KCNK13: variants seen among roughly 807,000 people sequenced by gnomAD.
KCNK13 encodes the protein potassium channel subfamily K member 13.
KCNK13 carries 12 observed loss-of-function variants against 23.4 expected under a neutral mutation model. That is an observed-to-expected ratio of 0.51 (90% confidence interval 0.33 to 0.83). The LOEUF (loss-of-function observed/expected upper bound fraction) is 0.83, where lower values mean the gene tolerates loss of function less well. KCNK13 is among the 40% of genes least tolerant of loss of function. The pLI is 0.02. For missense variants in KCNK13, 463 were observed against 556.3 expected, an observed-to-expected ratio of 0.83 and a Z score of 1.69; for synonymous variants, 231 against 229.5, an observed-to-expected ratio of 1.01 and a Z score of -0.06.
chr14:90,174,200 C>T (rs991234182), intron 1 of KCNK13, among the ~76,000 whole-genome samples: 2 of 152,112 alleles, frequency 1.3e-5, no homozygotes, highest in Non-Finnish European at 2.9e-5. Flanking sequence ...GTCCCAGCTA[C>T]TCATGAGGCT....
chr14:90,103,192 G>A lies in KCNK13; in HGVS notation c.334+40653G>A, dbSNP rs538279566. The stretch of plus-strand genomic sequence containing the variant: ...TCTTAATCCAATCCACTGTTGATGG[G>A]CACCTAGGTTGATTCTATGTCTTTG... On this transcript the variant is annotated intron_variant, in intron 1 of 1. Transcript: ENST00000282146. Among the ~76,000 whole-genome samples the A allele has an allele frequency of 4.1e-4, 63 of 152,274 alleles. 1 individual carries two copies. The highest frequency in any genetic ancestry group is 1.5e-3 in the African/African-American group (61 of 41,548).
intron 1 of KCNK13, among the ~76,000 whole-genome samples, chr14:90,111,951 G>A (rs988077676): frequency 2.0e-5 from 3 of 152,096 alleles, no homozygotes; most frequent in Non-Finnish European, 4.4e-5. Context: ...ACTCCTCCCG[G>A]GGAGTCTAAG....
intron 1 of KCNK13, among the ~76,000 whole-genome samples, chr14:90,092,244 C>T (rs1889357591): frequency 6.6e-6 from 1 of 152,166 alleles, no homozygotes; most frequent in South Asian, 2.1e-4. Flanking sequence ...CTTAAAGACA[C>T]TTTTTGCAAA....
intron 1 of KCNK13, among the ~76,000 whole-genome samples, chr14:90,155,079 G>A (rs1490436689): frequency 3.9e-5 from 6 of 152,174 alleles, no homozygotes; most frequent in Admixed American, 3.9e-4. Context: ...TATCATACTG[G>A]TGATATGTGC....
chr14:90,097,098 C>T (rs896117581), intron 1 of KCNK13, among the ~76,000 whole-genome samples: 1 of 152,132 alleles, frequency 6.6e-6, no homozygotes, highest in Non-Finnish European at 1.5e-5. Context: ...TTTGTTCTAC[C>T]TCTTACCGTA....
chr14:90,146,029 T>TGA (rs1036684804), intron 1 of KCNK13, among the ~76,000 whole-genome samples: 8 of 151,786 alleles, frequency 5.3e-5, no homozygotes, highest in South Asian at 2.1e-4. Flanking sequence ...AATACGAAAG[T>TGA]GAGAGAGAGA....
intron 1 of KCNK13, among the ~76,000 whole-genome samples, chr14:90,134,020 CTG>C (rs1889906095): frequency 6.6e-6 from 1 of 152,208 alleles, no homozygotes; most frequent in African/African-American, 2.4e-5. Context: ...AACAATGTGG[CTG>C]AAACCCTGGG....
At chr14:90,132,483 G>T (rs1444163933) in intron 1 of KCNK13, among the ~76,000 whole-genome samples, 1 of 123,510 alleles carries the variant, frequency 8.1e-6, no homozygotes, top group Non-Finnish European at 1.8e-5. Context: ...GGCAGAGGTT[G>T]CAGTGAGCCA....
At chr14:90,086,542 T>C (rs1889277716) in intron 1 of KCNK13, among the ~76,000 whole-genome samples, 1 of 152,190 alleles carries the variant, frequency 6.6e-6, no homozygotes, top group African/African-American at 2.4e-5. Context: ...TTGTCATCAG[T>C]GGATGTTTTT....
intron 1 of KCNK13, among the ~76,000 whole-genome samples, chr14:90,114,697 C>A (rs2140414267): frequency 6.6e-6 from 1 of 152,264 alleles, no homozygotes; most frequent in Middle Eastern, 3.4e-3. Context: ...TTGTTCCATG[C>A]TTCTTTGTGT....
intron 1 of KCNK13, among the ~76,000 whole-genome samples, chr14:90,118,569 T>C (rs1374080969): frequency 1.3e-5 from 2 of 152,206 alleles, no homozygotes; most frequent in African/African-American, 4.8e-5. Flanking sequence ...TGGACATTCG[T>C]GTACATGTAT....
chr14:90,108,894 G>C (rs549480550), intron 1 of KCNK13, among the ~76,000 whole-genome samples: 19 of 152,234 alleles, frequency 1.2e-4, no homozygotes, highest in African/African-American at 4.3e-4. Flanking sequence ...AGAATCCCTT[G>C]GGCCAGGCGC....
At chr14:90,153,179 C>T (rs1031550361) in intron 1 of KCNK13, among the ~76,000 whole-genome samples, 18 of 152,300 alleles carry the variant, frequency 1.2e-4, no homozygotes, top group South Asian at 2.1e-4. Flanking sequence ...CCCTGACTCT[C>T]CTTCCCCTGG....
chr14:90,174,152 C>CA (rs1259989149), intron 1 of KCNK13, among the ~76,000 whole-genome samples: 3 of 151,484 alleles, frequency 2.0e-5, no homozygotes, highest in African/African-American at 4.8e-5. Flanking sequence ...TAAAAAAATA[C>CA]AAAAAAAATT....
At chr14:90,090,404 T>C (rs1232151434) in intron 1 of KCNK13, among the ~76,000 whole-genome samples, 1 of 152,178 alleles carries the variant, frequency 6.6e-6, no homozygotes, top group Admixed American at 6.5e-5. Flanking sequence ...CCATTTGGAG[T>C]GGGTATACCC....
chr14:90,162,994 A>G (rs1890266726), intron 1 of KCNK13, among the ~76,000 whole-genome samples: 2 of 152,246 alleles, frequency 1.3e-5, no homozygotes, highest in South Asian at 2.1e-4. Flanking sequence ...ACAGAAGAAG[A>G]AATACAAAAG....
At chr14:90,143,171 C>CTTTCTTTCTTCCTTTCT (rs1555352138) in intron 1 of KCNK13, among the ~76,000 whole-genome samples, 1 of 123,788 alleles carries the variant, frequency 8.1e-6, no homozygotes, top group Admixed American at 8.6e-5. Flanking sequence ...TTCTTTCTTT[C>CTTTCTTTCTTCCTTTCT]TTTCTTTTCT....
At chr14:90,081,922 G>T (rs149736710) in intron 1 of KCNK13, among the ~76,000 whole-genome samples, 36 of 152,178 alleles carry the variant, frequency 2.4e-4, no homozygotes, top group African/African-American at 8.7e-4. Flanking sequence ...TGTTATAAAG[G>T]GAGGTTGCCT....
At chr14:90,076,522 C>A (rs1427564942) in intron 1 of KCNK13, among the ~76,000 whole-genome samples, 1 of 152,158 alleles carries the variant, frequency 6.6e-6, no homozygotes, top group Admixed American at 6.5e-5. Flanking sequence ...GTCCCCCAAC[C>A]CCCATCTGTA....
Sources: gnomAD v4.1 joint callset for allele counts (sites outside exome capture counted in the v4.1 genomes callset) on GRCh38, gnomAD v4.1.1 for gene constraint, MANE v1.5 for transcripts, NCBI Gene and HGNC (gene_info 2026-07-23, HGNC 2026-07-21) for gene names.